Variants in SYN3 observed in about 807,000 individuals in gnomAD.
SYN3 encodes synapsin-3.
Under a neutral mutation model 65.8 loss-of-function variants are expected in SYN3, and 35 were observed. The ratio of observed to expected loss-of-function variants is 0.53; its 90% confidence interval spans 0.41 to 0.70. The LOEUF (loss-of-function observed/expected upper bound fraction) is 0.70, where lower values mean the gene tolerates loss of function less well. Ranked by LOEUF, SYN3 falls within the 30% of genes least tolerant of loss-of-function variation. SYN3 has a pLI of 0.00. For synonymous variants in SYN3, 270 were observed against 292.9 expected, an observed-to-expected ratio of 0.92 and a Z score of 0.80; for missense variants, 680 against 749.0, an observed-to-expected ratio of 0.91 and a Z score of 1.08.
intron 4 of SYN3, among the ~76,000 whole-genome samples, chr22:32,876,551 A>G (rs1452666898): frequency 6.6e-6 from 1 of 152,050 alleles, no homozygotes; most frequent in Admixed American, 6.5e-5. Flanking sequence ...GGAAATGGGA[A>G]CTATTACATT....
intron 6 of SYN3, among the ~76,000 whole-genome samples, chr22:32,716,470 G>A (rs1243338384): frequency 6.6e-6 from 1 of 152,030 alleles, no homozygotes; most frequent in Non-Finnish European, 1.5e-5. Flanking sequence ...AAGTTTTGAT[G>A]TTTACCCTAG....
intron 6 of SYN3, among the ~76,000 whole-genome samples, chr22:32,707,469 T>C (rs5754221): frequency 0.068 from 10,386 of 152,236 alleles, 424 homozygotes; most frequent in African/African-American, 0.11. Context: ...AGGGCCACTG[T>C]GAAAACACAT....
chr22:32,532,056 CAG>C (rs1288591639), intron 10 of SYN3, among the ~76,000 whole-genome samples: 27 of 152,120 alleles, frequency 1.8e-4, no homozygotes, highest in Non-Finnish European at 3.8e-4. Context: ...TCACAGGGGA[CAG>C]AGAGACTGCT....
chr22:32,906,223 T>C (rs1343760366), intron 4 of SYN3, among the ~76,000 whole-genome samples: 1 of 152,184 alleles, frequency 6.6e-6, no homozygotes, highest in African/African-American at 2.4e-5. Flanking sequence ...TGTGTGCTCC[T>C]GGGACCCTCT....
chr22:32,834,323 A>ATT (rs5845042), intron 6 of SYN3, among the ~76,000 whole-genome samples: 14,630 of 143,398 alleles, frequency 0.1, 883 homozygotes, highest in Admixed American at 0.18. Flanking sequence ...TGGCTAATTT[A>ATT]TTTTTTTTTT....
At chr22:32,792,903 C>T (rs1047733089) in intron 6 of SYN3, among the ~76,000 whole-genome samples, 1 of 152,124 alleles carries the variant, frequency 6.6e-6, no homozygotes, top group Non-Finnish European at 1.5e-5. Context: ...GGAAAGAGAC[C>T]CCTGCATCTG....
intron 7 of SYN3, among the ~76,000 whole-genome samples, chr22:32,565,265 A>G (rs1358979866): frequency 1.3e-5 from 2 of 152,230 alleles, no homozygotes; most frequent in African/African-American, 4.8e-5. Context: ...GGGTGACACA[A>G]TGATGCAGGT....
chr22:32,517,351 C>T (rs1254871370), intron 13 of SYN3, among the ~76,000 whole-genome samples: 1 of 152,190 alleles, frequency 6.6e-6, no homozygotes, highest in Non-Finnish European at 1.5e-5. Flanking sequence ...GATGAGACCC[C>T]ATGGAGAGAA....
chr22:32,513,440 C>A lies in SYN3; in HGVS notation c.*252G>T. On this transcript the variant is annotated 3_prime_UTR_variant, in exon 14 of 14. Transcript: ENST00000358763. Reference sequence around the variant, plus strand: ...GTGGGTAGGCAGAGGGTGTGATGCCCATCGCTCAGGCCTGTTTTGAGGAAC... The same window carrying A: ...GTGGGTAGGCAGAGGGTGTGATGCCAATCGCTCAGGCCTGTTTTGAGGAAC... 1 of 381,876 alleles carries A rather than the reference C, an allele frequency of 2.6e-6. No homozygotes were observed. Among genetic ancestry groups the A allele is most frequent in the Non-Finnish European group, 4.7e-6 (1 of 213,622 alleles). 23.7% of individuals were successfully genotyped at this position (381,876 alleles called of 1,614,324 possible). A position where few individuals can be genotyped will look rare whatever the true frequency, so the allele number is the denominator to read the frequency against.
intron 6 of SYN3, among the ~76,000 whole-genome samples, chr22:32,806,878 T>A (rs1430206205): frequency 6.6e-6 from 1 of 152,120 alleles, no homozygotes; most frequent in Non-Finnish European, 1.5e-5. Context: ...CAAATCCTTT[T>A]CTTCCTATAC....
At chr22:32,602,381 G>A (rs867491172) in intron 6 of SYN3, among the ~76,000 whole-genome samples, 27 of 152,120 alleles carry the variant, frequency 1.8e-4, no homozygotes, top group Non-Finnish European at 1.6e-4. Context: ...ATCTCTTAAC[G>A]TCACACTGTA....
chr22:32,726,504 A>G (rs1601994857), intron 6 of SYN3, among the ~76,000 whole-genome samples: 1 of 152,168 alleles, frequency 6.6e-6, no homozygotes, highest in African/African-American at 2.4e-5. Flanking sequence ...TGGGCTTTAC[A>G]GTGTCATGCC....
chr22:32,945,100 A>G (rs2051064550), intron 3 of SYN3, among the ~76,000 whole-genome samples: 1 of 152,228 alleles, frequency 6.6e-6, no homozygotes, highest in African/African-American at 2.4e-5. Context: ...CAATATTGTG[A>G]AAATGGCCAT....
chr22:32,590,703 T>C (rs781383339), intron 7 of SYN3, among the ~76,000 whole-genome samples: 7 of 152,254 alleles, frequency 4.6e-5, no homozygotes, highest in Non-Finnish European at 7.3e-5. Context: ...TTTTTAATTT[T>C]GGCTATTCTC....
chr22:32,622,988 G>A (rs1176552221), intron 6 of SYN3, among the ~76,000 whole-genome samples: 2 of 152,056 alleles, frequency 1.3e-5, no homozygotes, highest in East Asian at 1.9e-4. Context: ...AGGGAGGGGC[G>A]AGGGAGACTT....
chr22:32,947,853 C>T (rs899473373), intron 3 of SYN3, among the ~76,000 whole-genome samples: 4 of 152,200 alleles, frequency 2.6e-5, no homozygotes, highest in South Asian at 2.1e-4. Context: ...TGGTTGGTTT[C>T]TCTGTTCTGT....
At chr22:33,032,329 G>A (rs924542064) in intron 1 of SYN3, among the ~76,000 whole-genome samples, 6 of 151,982 alleles carry the variant, frequency 3.9e-5, no homozygotes, top group Admixed American at 6.6e-5. Context: ...CCAACATGGC[G>A]AAACTCTGTC....
chr22:32,744,640 C>A lies in SYN3; in HGVS notation c.711+120275G>T, dbSNP rs116756604. On this transcript the variant is annotated intron_variant, in intron 6 of 13. Coordinates refer to ENST00000358763, the MANE Select transcript of SYN3 (RefSeq NM_003490.4). ...CCCTCAAGTCCATGCTTTCACCCAA[C>A]ATGCTACTGTGAGTGTCTCTCTCTT... 2.2e-3 allele frequency among the ~76,000 whole-genome samples: 332 copies of A among 152,326 alleles called. 1 individual carries two copies. The highest frequency in any genetic ancestry group is 7.5e-3 in the African/African-American group (312 of 41,566).
chr22:32,850,586 T>C (rs547974472), intron 6 of SYN3, among the ~76,000 whole-genome samples: 36 of 152,212 alleles, frequency 2.4e-4, no homozygotes, highest in African/African-American at 7.7e-4. Context: ...ACAGTTTCCA[T>C]CTTTAGGAAC....
Sources: gnomAD v4.1 joint callset for allele counts (sites outside exome capture counted in the v4.1 genomes callset) on GRCh38, gnomAD v4.1.1 for gene constraint, MANE v1.5 for transcripts, NCBI Gene and HGNC (gene_info 2026-07-23, HGNC 2026-07-21) for gene names.